The following CDKL1 variants were observed in gnomAD, a reference collection of about 807,000 sequenced individuals.
The protein encoded by CDKL1 is cyclin-dependent kinase-like 1.
A neutral mutation model predicts 42.0 loss-of-function variants in CDKL1; 41 were observed. That is an observed-to-expected ratio of 0.98 (90% CI 0.76 to 1.27). The LOEUF is 1.27. Among genes scored for constraint, CDKL1 ranks in the 50% most tolerant of loss-of-function variants. The pLI, the probability that CDKL1 is intolerant of heterozygous loss-of-function variation, is 0.00. For synonymous variants in CDKL1, 153 were observed against 158.6 expected, an observed-to-expected ratio of 0.96 and a Z score of 0.26; for missense variants, 394 against 428.4, an observed-to-expected ratio of 0.92 and a Z score of 0.71.
In CDKL1 at chr14:50,341,303, A is replaced by G. The variant is rs1595275477; in HGVS notation, c.455-71T>C. The stretch of plus-strand genomic sequence containing the variant: ...GAATCAAAACTGAGGGGGAGATCTC[A>G]GAAGTCAAGCCTGTGCCCAATTTTG... On this transcript the variant is annotated intron_variant, in intron 5 of 9. Transcript: ENST00000395834. The G allele has an allele frequency of 2.0e-6, 3 of 1,511,000 alleles. No individual in the cohort carries two copies. In the East Asian group the frequency reaches 6.9e-5, roughly 35 times the overall value. The allele number at this position is 1,511,000 out of a possible 1,614,324, so 93.6% of individuals were successfully genotyped here.
intron 3 of CDKL1, among the ~76,000 whole-genome samples, chr14:50,355,258 C>A (rs913579348): frequency 6.6e-6 from 1 of 151,958 alleles, no homozygotes; most frequent in Non-Finnish European, 1.5e-5. Context: ...AAAAATATCC[C>A]ATAACAATAA....
intron 2 of CDKL1, among the ~76,000 whole-genome samples, chr14:50,369,286 AG>A (rs1395256965): frequency 6.6e-6 from 1 of 152,086 alleles, no homozygotes; most frequent in Non-Finnish European, 1.5e-5. Context: ...TAGGGCTGAG[AG>A]CAGCTGTTCA....
At chr14:50,377,153 G>A (rs2139505079) in intron 2 of CDKL1, among the ~76,000 whole-genome samples, 1 of 152,276 alleles carries the variant, frequency 6.6e-6, no homozygotes, top group South Asian at 2.1e-4. Flanking sequence ...TGAAACCACT[G>A]CAGCAGCTAG....
In CDKL1 at chr14:50,396,249, G is replaced by A. The variant is rs142028047; in HGVS notation, c.-381C>T. 48 of 1,001,904 alleles carry A rather than the reference G, an allele frequency of 4.8e-5. No individual in the cohort carries two copies. The East Asian group carries it at 4.5e-3, about 94-fold the overall frequency. The allele number at this position is 1,001,904 out of a possible 1,614,324, so 62.1% of individuals were successfully genotyped here. On this transcript the variant is annotated 5_prime_UTR_variant, in exon 2 of 10. Coordinates refer to ENST00000395834, the MANE Select transcript of CDKL1 (RefSeq NM_004196.7). ...AAAGAAAAGAAAGGATCTTCACATA[G>A]TTTGAAAACGTCGCTTATAAAATAT...
chr14:50,377,458 A>T (rs1023624003), intron 2 of CDKL1: 10 of 564,670 alleles, frequency 1.8e-5, no homozygotes, highest in Non-Finnish European at 2.4e-5. Context: ...CTCTGGTATC[A>T]CTTCCCAAAA....
intron 3 of CDKL1, among the ~76,000 whole-genome samples, chr14:50,347,565 T>G (rs2033769357): frequency 6.6e-6 from 1 of 152,070 alleles, no homozygotes; most frequent in Non-Finnish European, 1.5e-5. Flanking sequence ...TGACATCAGG[T>G]TTTTAGCTTG....
At chr14:50,362,889 C>G in intron 2 of CDKL1, 1 of 426,902 alleles carries the variant, frequency 2.3e-6, no homozygotes, top group Non-Finnish European at 5.1e-6. Context: ...TGGCAACCTA[C>G]CCTGGGCACC....
intron 3 of CDKL1, chr14:50,357,336 C>G (rs1049242162): frequency 2.6e-5 from 4 of 152,238 alleles, no homozygotes; most frequent in African/African-American, 7.2e-5. Flanking sequence ...ACCATCACCA[C>G]GTGGCAGAGC....
In CDKL1 at chr14:50,358,180, C is replaced by T. The variant is rs1430217047; in HGVS notation, c.290+848G>A. The T allele has an allele frequency of 2.3e-6, 3 of 1,289,432 alleles. No individual in the cohort carries two copies. In the Admixed American group the frequency reaches 7.2e-5, roughly 31 times the overall value. The allele number at this position is 1,289,432 out of a possible 1,614,324, so 79.9% of individuals were successfully genotyped here. ...CTGTGTGGTAAGATCAGCGGAGCCCCCGGAGTCACTCCCACCCTTCTCAGT... is the reference window on the plus strand; with the variant it reads ...CTGTGTGGTAAGATCAGCGGAGCCCTCGGAGTCACTCCCACCCTTCTCAGT... On this transcript the variant is annotated intron_variant, in intron 3 of 9. Transcript: ENST00000395834.
chr14:50,396,985 CA>C (rs1183044002), upstream of CDKL1: 2 of 946,392 alleles, frequency 2.1e-6, no homozygotes, highest in Non-Finnish European at 2.8e-6. Context: ...CGGCCCGGCC[CA>C]GCCCGGCCGC....
At chr14:50,386,650 T>A (rs2035089562) in intron 2 of CDKL1, among the ~76,000 whole-genome samples, 1 of 152,058 alleles carries the variant, frequency 6.6e-6, no homozygotes, top group African/African-American at 2.4e-5. Flanking sequence ...TGGCTGGACA[T>A]GTTGGGGGTC....
intron 2 of CDKL1, among the ~76,000 whole-genome samples, chr14:50,387,484 T>C (rs538125883): frequency 6.6e-6 from 1 of 151,228 alleles, no homozygotes; most frequent in East Asian, 2.0e-4. Context: ...GATCATATCA[T>C]TACACTCCAG....
chr14:50,390,141 A>T, intron 2 of CDKL1: 2 of 1,365,796 alleles, frequency 1.5e-6, no homozygotes, highest in Non-Finnish European at 2.0e-6. Context: ...GCCACATAGC[A>T]GTAGATGATT....
At chr14:50,353,604 C>T (rs1481117401) in intron 3 of CDKL1, among the ~76,000 whole-genome samples, 1 of 152,228 alleles carries the variant, frequency 6.6e-6, no homozygotes, top group East Asian at 1.9e-4. Context: ...TAACTGGAAA[C>T]AATCTAAATA....
chr14:50,348,751 G>C (rs1595294274), intron 3 of CDKL1, among the ~76,000 whole-genome samples: 1 of 152,230 alleles, frequency 6.6e-6, no homozygotes, highest in East Asian at 1.9e-4. Context: ...CCCAAGAAAA[G>C]CCTCTAATAA....
rs1035626910 is a variant in CDKL1, at chr14:50,326,893, TAGGC to T, written c.*3177_*3180del. On this transcript the variant is annotated 3_prime_UTR_variant, in exon 10 of 10. Coordinates refer to ENST00000395834, the MANE Select transcript of CDKL1 (RefSeq NM_004196.7). ...CCATCTCTAAAAAAATTTTAAAAAT[TAGGC>T]AGGCATGGTGGTGCATACCTGTAAT... 3.3e-6 allele frequency: 1 copy of T among 300,788 alleles called. No individual in the cohort carries two copies. Among genetic ancestry groups the T allele is most frequent in the African/African-American group, 2.3e-5 (1 of 43,966 alleles). The allele number at this position is 300,788 out of a possible 1,614,324, so 18.6% of individuals were successfully genotyped here.
At chr14:50,383,588 C>T (rs2034988687) in intron 2 of CDKL1, among the ~76,000 whole-genome samples, 1 of 145,326 alleles carries the variant, frequency 6.9e-6, no homozygotes, top group Non-Finnish European at 1.5e-5. Context: ...ACAACAACAA[C>T]AAAATGCTGT....
At chr14:50,372,663 A>G (rs539744148) in intron 2 of CDKL1, among the ~76,000 whole-genome samples, 1 of 152,178 alleles carries the variant, frequency 6.6e-6, no homozygotes, top group East Asian at 1.9e-4. Flanking sequence ...TTCTTCTAGA[A>G]GTTTTACAGT....
intron 2 of CDKL1, chr14:50,378,494 T>C (rs557210623): frequency 7.7e-7 from 1 of 1,302,484 alleles, no homozygotes; most frequent in South Asian, 1.2e-5. Context: ...TGGGACTTAA[T>C]TCTTGACAAG....
Sources: allele counts gnomAD v4.1 joint callset (sites outside exome capture counted in the v4.1 genomes callset), GRCh38; gene constraint gnomAD v4.1.1; transcripts MANE v1.5; gene names NCBI Gene and HGNC (gene_info 2026-07-23, HGNC 2026-07-21).